The following RAD51B variants were observed in gnomAD, a reference collection of about 807,000 sequenced individuals.
The protein encoded by RAD51B is RAD51 paralog B.
A neutral mutation model predicts 42.2 loss-of-function variants in RAD51B; 38 were observed. That is an observed-to-expected ratio of 0.90 (90% CI 0.70 to 1.18). The LOEUF is 1.18. Ranked by LOEUF, RAD51B falls within the 50% of genes most tolerant of loss-of-function variation. The pLI, the probability that RAD51B is intolerant of heterozygous loss-of-function variation, is 0.00. For missense variants in RAD51B, 373 were observed against 400.7 expected, an observed-to-expected ratio of 0.93 and a Z score of 0.59; for synonymous variants, 154 against 145.2, an observed-to-expected ratio of 1.06 and a Z score of -0.43.
At chr14:68,412,656 G>C (rs2084451125) in intron 9 of RAD51B, among the ~76,000 whole-genome samples, 1 of 152,158 alleles carries the variant, frequency 6.6e-6, no homozygotes, top group South Asian at 2.1e-4. Flanking sequence ...TGAGAAGATA[G>C]AGCTGCTTGT....
chr14:67,917,884 A>G (rs2044206539), intron 7 of RAD51B, among the ~76,000 whole-genome samples: 1 of 152,116 alleles, frequency 6.6e-6, no homozygotes, highest in Non-Finnish European at 1.5e-5. Flanking sequence ...GACATCTACC[A>G]ATGGGTTGGT....
chr14:68,511,331 C>T (rs1885713687), intron 10 of RAD51B, among the ~76,000 whole-genome samples: 1 of 152,138 alleles, frequency 6.6e-6, no homozygotes, highest in Non-Finnish European at 1.5e-5. Flanking sequence ...AGCCCTGAGA[C>T]ATGGAAAGAA....
At chr14:68,413,449 A>G (rs936283152) in intron 9 of RAD51B, among the ~76,000 whole-genome samples, 1 of 152,244 alleles carries the variant, frequency 6.6e-6, no homozygotes, top group Non-Finnish European at 1.5e-5. Context: ...TAAGAAGCAG[A>G]CTTAAATGCC....
intron 11 of RAD51B, among the ~76,000 whole-genome samples, chr14:68,680,692 G>GT (rs1331071638): frequency 6.6e-6 from 1 of 152,080 alleles, no homozygotes. Context: ...GAGAACATTA[G>GT]TCAATGCCCA....
intron 9 of RAD51B, among the ~76,000 whole-genome samples, chr14:68,463,483 A>G (rs2085897478): frequency 6.6e-6 from 1 of 152,214 alleles, no homozygotes; most frequent in Non-Finnish European, 1.5e-5. Flanking sequence ...ACATCTTAAT[A>G]TAGTATATGC....
At position 68,514,614 on chromosome 14, in the gene RAD51B, A is replaced by G. The variant is rs181718880; in HGVS notation, c.1036+46364A>G. ...TATCTCAGCCTCGAATCAGTCTTCC[A>G]TTTTCCACTTGGGGTTTTTGTTGTT... On this transcript the variant is annotated intron_variant, in intron 10 of 10. Transcript: ENST00000487270. Among the ~76,000 whole-genome samples, 430 of 151,908 alleles carry G rather than the reference A, an allele frequency of 2.8e-3. 1 individual carries two copies. The highest frequency in any genetic ancestry group is 0.014 in the Middle Eastern group (4 of 294).
chr14:67,899,718 T>A (rs929035956), intron 7 of RAD51B, among the ~76,000 whole-genome samples: 11 of 152,362 alleles, frequency 7.2e-5, no homozygotes, highest in African/African-American at 2.4e-4. Context: ...TACATCTTAT[T>A]GATAACTACT....
chr14:68,257,558 A>T (rs985005170), intron 7 of RAD51B, among the ~76,000 whole-genome samples: 3 of 152,098 alleles, frequency 2.0e-5, no homozygotes, highest in African/African-American at 7.2e-5. Context: ...AAGAATTTTT[A>T]CATAATGTTA....
chr14:68,447,732 C>CT (rs946585015), intron 9 of RAD51B, among the ~76,000 whole-genome samples: 27 of 146,896 alleles, frequency 1.8e-4, no homozygotes, highest in East Asian at 1.4e-3. Context: ...TATCCATGAC[C>CT]TTTTTTTTTT....
intron 9 of RAD51B, among the ~76,000 whole-genome samples, chr14:68,417,284 G>A (rs986929600): frequency 1.3e-5 from 2 of 152,190 alleles, no homozygotes; most frequent in African/African-American, 4.8e-5. Flanking sequence ...GTGTGTGTGT[G>A]ACTAGATCCC....
chr14:68,570,611 G>A (rs1165370996), intron 10 of RAD51B, among the ~76,000 whole-genome samples: 1 of 152,128 alleles, frequency 6.6e-6, no homozygotes, highest in Admixed American at 6.5e-5. Flanking sequence ...CCAGGAGGGG[G>A]GTCCAGTGCC....
chr14:68,466,603 C>G (rs2085993658), intron 9 of RAD51B, among the ~76,000 whole-genome samples: 1 of 152,220 alleles, frequency 6.6e-6, no homozygotes, highest in Non-Finnish European at 1.5e-5. Context: ...GAGTGTTGTC[C>G]ACACCCATTT....
intron 7 of RAD51B, among the ~76,000 whole-genome samples, chr14:67,922,730 C>T (rs1210734844): frequency 2.1e-5 from 3 of 144,894 alleles, no homozygotes; most frequent in East Asian, 2.0e-4. Flanking sequence ...CTTGCTCTGT[C>T]GCGCGGCCTG....
chr14:68,253,051 C>T (rs937189006), intron 7 of RAD51B, among the ~76,000 whole-genome samples: 6 of 150,838 alleles, frequency 4.0e-5, no homozygotes, highest in Non-Finnish European at 7.4e-5. Context: ...CCATTGCACT[C>T]TAGCCTGGGC....
At chr14:68,106,891 T>G (rs753710601) in intron 7 of RAD51B, among the ~76,000 whole-genome samples, 5 of 151,872 alleles carry the variant, frequency 3.3e-5, no homozygotes, top group Non-Finnish European at 7.4e-5. Context: ...TCCTGGCCCA[T>G]AAATATATTG....
chr14:68,582,399 G>C (rs946057592), intron 10 of RAD51B, among the ~76,000 whole-genome samples: 2 of 152,142 alleles, frequency 1.3e-5, no homozygotes, highest in African/African-American at 2.4e-5. Flanking sequence ...CAAACATATG[G>C]AAAAAAGCTC....
chr14:67,849,302 A>G (rs1472701142), intron 4 of RAD51B, among the ~76,000 whole-genome samples: 1 of 151,702 alleles, frequency 6.6e-6, no homozygotes, highest in Admixed American at 6.6e-5. Flanking sequence ...TTCCTTTGAG[A>G]TGGAGTTTTG....
chr14:68,388,249 A>G (rs2083651734), intron 8 of RAD51B, among the ~76,000 whole-genome samples: 1 of 151,840 alleles, frequency 6.6e-6, no homozygotes, highest in Non-Finnish European at 1.5e-5. Context: ...GTGCATCATC[A>G]TGCCCAGCTA....
At chr14:68,009,768 A>T (rs2075653470) in intron 7 of RAD51B, among the ~76,000 whole-genome samples, 1 of 151,886 alleles carries the variant, frequency 6.6e-6, no homozygotes, top group East Asian at 1.9e-4. Flanking sequence ...TCTTCATAAT[A>T]CTTTACTGAC....
Sources: allele counts gnomAD v4.1 joint callset (sites outside exome capture counted in the v4.1 genomes callset), GRCh38; gene constraint gnomAD v4.1.1; transcripts MANE v1.5; gene names NCBI Gene and HGNC (gene_info 2026-07-23, HGNC 2026-07-21).